GRWD1: variants seen among roughly 807,000 people sequenced by gnomAD.
The protein encoded by GRWD1 is glutamate-rich WD repeat-containing protein 1.
GRWD1 carries 29 observed loss-of-function variants against 45.3 expected under a neutral mutation model. That is an observed-to-expected ratio of 0.64 (90% confidence interval 0.48 to 0.87). The LOEUF (loss-of-function observed/expected upper bound fraction) is 0.87, where lower values mean the gene tolerates loss of function less well. GRWD1 is among the 40% of genes least tolerant of loss of function. The pLI, the probability that GRWD1 is intolerant of heterozygous loss-of-function variation, is 0.00. For synonymous variants in GRWD1, 262 were observed against 257.6 expected (o/e 1.02, Z -0.16); for missense variants, 592 against 618.8 (o/e 0.96, Z 0.46).
chr19:48,446,934 C>CA, intron 3 of GRWD1, 91 bp downstream of exon 3: 1 of 606,638 alleles, frequency 1.6e-6, no homozygotes, highest in Non-Finnish European at 2.4e-6. Flanking sequence ...TCCTCATGTT[C>CA]TTTTTTTTTT....
Position 48,446,432 on chromosome 19 carries a change from A to G in GRWD1, c.235A>G (p.Asn79Asp), listed in dbSNP as rs777629154. Residue 79 changes from asparagine to aspartate, a missense_variant, in exon 2 of 7, where the codon AAC becomes GAC. Coordinates refer to ENST00000253237, the MANE Select transcript of GRWD1 (RefSeq NM_031485.4). Reference protein sequence around the residue: ...FDIVRDHLGDNRTELPLTLYL... With the variant: ...FDIVRDHLGDDRTELPLTLYL... ...CATAGTCCGGGATCACCTGGGAGAC[A>G]ACCGGACAGAGCTTCCTCTTACACT... 6.2e-7 allele frequency: 1 copy of G among 1,614,202 alleles called. No homozygotes were observed. The highest frequency in any genetic ancestry group is 1.1e-5 in the South Asian group (1 of 91,086).
At position 48,455,511 on chromosome 19, in the gene GRWD1, C is replaced by A. The variant is rs1971528857; in HGVS notation, c.*2486C>A. ...GAAACATTAAGCTGCTCTCGCAGGTCAGGTGGAGGATCCCTTTCCCTCCCG... is the reference window on the plus strand; with the variant it reads ...GAAACATTAAGCTGCTCTCGCAGGTAAGGTGGAGGATCCCTTTCCCTCCCG... On this transcript the variant is annotated 3_prime_UTR_variant, in exon 7 of 7. Coordinates refer to ENST00000253237, the MANE Select transcript of GRWD1 (RefSeq NM_031485.4). The A allele has an allele frequency of 6.6e-6, 1 of 152,260 alleles. No individual in the cohort carries two copies. Among genetic ancestry groups the A allele is most frequent in the African/African-American group, 2.4e-5 (1 of 41,462 alleles). 9.4% of individuals were successfully genotyped at this position (152,260 alleles called of 1,614,324 possible). A position where few individuals can be genotyped will look rare whatever the true frequency, so the allele number is the denominator to read the frequency against.
In GRWD1 at chr19:48,450,515, C is replaced by T. The variant is rs1455989802; in HGVS notation, c.671C>T (p.Pro224Leu). The change falls in exon 4 of 7, where the codon CCC (proline) becomes CTC (leucine). Residue 224 changes from proline to leucine, a missense_variant. Physicochemically the swap from Pro to Leu is moderately conservative, Grantham distance 98 (BLOSUM62 -3). Coordinates refer to ENST00000253237, the MANE Select transcript of GRWD1 (RefSeq NM_031485.4). This position sits in a 1 kb window ranked among gnomAD's most constrained non-coding sequence, Gnocchi z 5.1. ...GAGGGCTTTGCCCTTGACTGGTCCC[C>T]CCGGGTGACCGGTGAGTCCCTGGGG... ...MGEGFALDWSPRVTGRLLTGD... is the reference protein window; with the variant it reads ...MGEGFALDWSLRVTGRLLTGD... 3.1e-6 allele frequency: 5 copies of T among 1,614,004 alleles called. No individual in the cohort carries two copies. The highest frequency in any genetic ancestry group is 1.3e-5 in the African/African-American group (1 of 74,942).
rs559811357 is a variant in GRWD1, at chr19:48,452,412, A to G, written c.1024-296A>G. 6.6e-6 allele frequency among the ~76,000 whole-genome samples: 1 copy of G among 152,126 alleles called. No homozygotes were observed. Among genetic ancestry groups the G allele is most frequent in the African/African-American group, 2.4e-5 (1 of 41,502 alleles). On this transcript the variant is annotated intron_variant, in intron 6 of 6. Coordinates refer to ENST00000253237, the MANE Select transcript of GRWD1 (RefSeq NM_031485.4). This position sits in a 1 kb window ranked among gnomAD's most constrained non-coding sequence, Gnocchi z 5.1. ...CGCACCCAGCCCATGCCCTCCTTTTACAAGGAAGAAAACAGGCAGGCAGAG... is the reference window on the plus strand; with the variant it reads ...CGCACCCAGCCCATGCCCTCCTTTTGCAAGGAAGAAAACAGGCAGGCAGAG...
chr19:48,449,564 T>C (rs562879520), intron 3 of GRWD1, among the ~76,000 whole-genome samples: 63 of 152,328 alleles, frequency 4.1e-4, no homozygotes, highest in African/African-American at 1.4e-3. Flanking sequence ...GGCTGATGCC[T>C]GTAATCCCAG....
At position 48,455,957 on chromosome 19, in the gene GRWD1, T is replaced by C. The variant is rs1971534648; in HGVS notation, c.*2932T>C. The C allele has an allele frequency of 6.6e-6, 1 of 152,174 alleles. No individual in the cohort carries two copies. Among genetic ancestry groups the C allele is most frequent in the South Asian group, 2.1e-4 (1 of 4,834 alleles). 9.4% of individuals were successfully genotyped at this position (152,174 alleles called of 1,614,324 possible). On this transcript the variant is annotated 3_prime_UTR_variant, in exon 7 of 7. Coordinates refer to ENST00000253237, the MANE Select transcript of GRWD1 (RefSeq NM_031485.4). ...CCAGGTGTGTTTGAAACCAGAGTGC[T>C]CTTGAGAAGACTGTGGTTTGTCACT... is the stretch of plus-strand genomic sequence containing the variant.
rs547531552 is a variant in GRWD1, at chr19:48,446,030, C to G, written c.25C>G (p.Arg9Gly). MAARKGRRRTCETGEPMEA... is the reference protein window; with the variant it reads MAARKGRRGTCETGEPMEA... ...GATGGCGGCGCGCAAGGGTCGGCGGCGCACGTGTGAAACCGGGGAACCCAT... is the reference window on the plus strand; with the variant it reads ...GATGGCGGCGCGCAAGGGTCGGCGGGGCACGTGTGAAACCGGGGAACCCAT... Residue 9 changes from arginine (R) to glycine (G), a missense_variant, in exon 1 of 7, where the codon CGC (arginine) becomes GGC (glycine). Transcript: ENST00000253237. 1 of 1,593,916 alleles carries G rather than the reference C, an allele frequency of 6.3e-7. No homozygotes were observed. Among genetic ancestry groups the G allele is most frequent in the South Asian group, 1.1e-5 (1 of 88,012 alleles).
rs1478322795 is a variant in GRWD1, at chr19:48,453,455, A to T, written c.*430A>T. The T allele has an allele frequency of 6.4e-6, 1 of 157,274 alleles. No individual in the cohort carries two copies. Among genetic ancestry groups the T allele is most frequent in the African/African-American group, 2.4e-5 (1 of 41,622 alleles). The allele number at this position is 157,274 out of a possible 1,614,324, so 9.7% of individuals were successfully genotyped here. A position where few individuals can be genotyped will look rare whatever the true frequency, so the allele number is the denominator to read the frequency against. On this transcript the variant is annotated 3_prime_UTR_variant, in exon 7 of 7. Coordinates refer to ENST00000253237, the MANE Select transcript of GRWD1 (RefSeq NM_031485.4). ...TGGGTTAAAGTGATTCTCTCAGCTC[A>T]GTCTCCCAGGTAGCTGGGATTACAG...
chr19:48,451,138 C>A lies in GRWD1; in HGVS notation c.930C>A (p.Asp310Glu). The change falls in exon 6 of 7, where the codon GAC becomes GAA. Residue 310 changes from aspartate to glutamate, a missense_variant. Transcript: ENST00000253237. ...MLTTATAHDG[D>E]VNVISWSRRE... ...CCACAGCCACCGCCCATGATGGGGA[C>A]GTCAATGTCATCAGCTGGAGCCGCC... is the stretch of plus-strand genomic sequence containing the variant. The A allele has an allele frequency of 1.2e-6, 2 of 1,614,008 alleles. No homozygotes were observed. Among genetic ancestry groups the A allele is most frequent in the Non-Finnish European group, 1.7e-6 (2 of 1,179,928 alleles).
At chr19:48,451,306 C>T (rs1971473766) in intron 6 of GRWD1, 75 bp downstream of exon 6, 1 of 1,351,732 alleles carries the variant, frequency 7.4e-7, no homozygotes. Flanking sequence ...AGGATTTTTC[C>T]TCCTTGAATA....
In GRWD1 at chr19:48,453,042, T is replaced by C; in HGVS notation, c.*17T>C. ...AGCGTCTGAGGCGTCCCACTGGCTC[T>C]GATCTTGCTTCCTGCTTGGAAACTG... On this transcript the variant is annotated 3_prime_UTR_variant, in exon 7 of 7. Coordinates refer to ENST00000253237, the MANE Select transcript of GRWD1 (RefSeq NM_031485.4). 6.4e-7 allele frequency: 1 copy of C among 1,551,146 alleles called. No homozygotes were observed. The highest frequency in any genetic ancestry group is 8.7e-7 in the Non-Finnish European group (1 of 1,144,796).
Position 48,452,723 on chromosome 19 carries a change from G to T in GRWD1, c.1039G>T (p.Ala347Ser). ...LRQFKSGSPV[A>S]TFKQHVAPVT... ...CTCCCTCTAGTCTGGTTCCCCAGTG[G>T]CCACCTTCAAGCAGCACGTGGCCCC... The change falls in exon 7 of 7, where the codon GCC becomes TCC. Residue 347 changes from alanine (A) to serine (S), a missense_variant. Transcript: ENST00000253237. This position sits in a 1 kb window ranked among gnomAD's most constrained non-coding sequence, Gnocchi z 5.1. 1 of 1,572,174 alleles carries T rather than the reference G, an allele frequency of 6.4e-7. No homozygotes were observed. The highest frequency in any genetic ancestry group is 8.7e-7 in the Non-Finnish European group (1 of 1,152,668).
rs1436792498 is a variant in GRWD1, at chr19:48,451,229, A to G, written c.1021A>G (p.Lys341Glu). The change falls in exon 6 of 7, where the codon AAG (lysine) becomes GAG (glutamate). Residue 341 changes from lysine (K) to glutamate (E), a missense_variant and splice_region_variant. Lys to Glu is a moderately conservative substitution (Grantham distance 56, BLOSUM62 1). Coordinates refer to ENST00000253237, the MANE Select transcript of GRWD1 (RefSeq NM_031485.4). ...CAAGATCTGGGACCTTCGGCAGTTC[A>G]AGGTATTTTCCCAGCCGGACACCTG... ...ALKIWDLRQF[K>E]SGSPVATFKQ... The G allele has an allele frequency of 1.3e-6, 2 of 1,580,748 alleles. No homozygotes were observed. The highest frequency in any genetic ancestry group is 8.6e-7 in the Non-Finnish European group (1 of 1,158,946).
Position 48,450,981 on chromosome 19 carries a change from G to A in GRWD1, c.826-53G>A. The A allele has an allele frequency of 6.4e-7, 1 of 1,571,778 alleles. No homozygotes were observed. Among genetic ancestry groups the A allele is most frequent in the Non-Finnish European group, 8.7e-7 (1 of 1,151,658 alleles). On this transcript the variant is annotated intron_variant, in intron 5 of 6. Transcript: ENST00000253237. This position sits in a 1 kb window ranked among gnomAD's most constrained non-coding sequence, Gnocchi z 5.1. ...AGAGTAGCCCACCGCTGGCGCTTGG[G>A]CTTCACTGCGGGCTGGGGGGCATTG...
At chr19:48,446,361 G>A in intron 1 of GRWD1, 24 bp from the exon 2 acceptor site, 1 of 1,609,412 alleles carries the variant, frequency 6.2e-7, no homozygotes, top group Non-Finnish European at 8.5e-7. Context: ...GTCTTAACTC[G>A]TAAACCCCGC....
chr19:48,446,325 G>A, intron 1 of GRWD1, 60 bp from the exon 2 acceptor site: 1 of 1,561,250 alleles, frequency 6.4e-7, no homozygotes, highest in East Asian at 2.2e-5. Context: ...CCATGAGGGA[G>A]GTGGGGACTG....
chr19:48,455,505 G>C lies in GRWD1; in HGVS notation c.*2480G>C, dbSNP rs1392551986. The C allele has an allele frequency of 6.6e-6, 1 of 152,206 alleles. No homozygotes were observed. The highest frequency in any genetic ancestry group is 1.5e-5 in the Non-Finnish European group (1 of 68,056). The allele number at this position is 152,206 out of a possible 1,614,324, so 9.4% of individuals were successfully genotyped here. ...TATATGGAAACATTAAGCTGCTCTCGCAGGTCAGGTGGAGGATCCCTTTCC... is the reference window on the plus strand; with the variant it reads ...TATATGGAAACATTAAGCTGCTCTCCCAGGTCAGGTGGAGGATCCCTTTCC... On this transcript the variant is annotated 3_prime_UTR_variant, in exon 7 of 7. Transcript: ENST00000253237.
rs550311765 is a variant in GRWD1 at position 48,448,705 on chromosome 19, C to CA, written c.469-1606dup. 1.8e-4 allele frequency among the ~76,000 whole-genome samples: 28 copies of CA among 152,278 alleles called. No individual in the cohort carries two copies. The East Asian group carries it at 3.3e-3, about 18-fold the overall frequency. The stretch of plus-strand genomic sequence containing the variant: ...AAGAATTTGCAGGCAAGGAAAAACA[C>CA]AAGTTCAAAGGCCCTGGGGTGAGCT... On this transcript the variant is annotated intron_variant, in intron 3 of 6. Transcript: ENST00000253237.
chr19:48,450,622 T>C lies in GRWD1; in HGVS notation c.683-44T>C, dbSNP rs2147485019. 1 of 1,610,136 alleles carries C rather than the reference T, an allele frequency of 6.2e-7. No homozygotes were observed. Among genetic ancestry groups the C allele is most frequent in the Non-Finnish European group, 8.5e-7 (1 of 1,177,660 alleles). Reference sequence around the variant, plus strand: ...TTAGACTCCAAGGAGGGGAGCGAGCTGCGGCCAGGTGGGGCGAGGTCATTT... The same window carrying C: ...TTAGACTCCAAGGAGGGGAGCGAGCCGCGGCCAGGTGGGGCGAGGTCATTT... On this transcript the variant is annotated intron_variant, in intron 4 of 6. Transcript: ENST00000253237. This position sits in a 1 kb window ranked among gnomAD's most constrained non-coding sequence, Gnocchi z 5.1.
Sources: gnomAD v4.1 joint callset for allele counts (sites outside exome capture counted in the v4.1 genomes callset) on GRCh38, gnomAD v4.1.1 for gene constraint, Gnocchi (gnomAD v3.1) non-coding constraint, MANE v1.5 for transcripts, NCBI Gene and HGNC (gene_info 2026-07-23, HGNC 2026-07-21) for gene names.